STEAP3: variants seen among roughly 807,000 people sequenced by gnomAD.
The protein encoded by STEAP3 is STEAP3 metalloreductase.
In STEAP3, 35 loss-of-function variants were observed where a neutral mutation model predicts 34.9. The observed-to-expected ratio is 1.00, with a 90% CI of 0.76 to 1.33. The LOEUF (loss-of-function observed/expected upper bound fraction) is 1.33. Among genes scored for constraint, STEAP3 ranks in the 40% most tolerant of loss-of-function variants. The pLI is 0.00. For missense variants in STEAP3, 652 were observed against 667.6 expected (o/e 0.98, Z 0.26); for synonymous variants, 281 against 301.6 (o/e 0.93, Z 0.71).
chr2:119,247,946 G>T lies in STEAP3; in HGVS notation c.790G>T (p.Val264Leu), dbSNP rs767495306. ...QNKFFKLPVS[V>L]VNTTLPCVAY... ...CAAGTTCTTCAAGCTGCCCGTGTCCGTGGTCAACACCACACTGCCGTGCGT... is the reference window on the plus strand; with the variant it reads ...CAAGTTCTTCAAGCTGCCCGTGTCCTTGGTCAACACCACACTGCCGTGCGT... Residue 264 changes from valine to leucine, a missense_variant, in exon 4 of 6, where the codon GTG (valine) becomes TTG (leucine). Coordinates refer to ENST00000393110, the MANE Select transcript of STEAP3 (RefSeq NM_182915.3). 6.2e-7 allele frequency: 1 copy of T among 1,613,444 alleles called. No homozygotes were observed. Among genetic ancestry groups the T allele is most frequent in the African/African-American group, 1.3e-5 (1 of 74,934 alleles).
chr2:119,242,422 G>A (rs566722819), intron 2 of STEAP3, among the ~76,000 whole-genome samples: 1 of 152,284 alleles, frequency 6.6e-6, no homozygotes, highest in South Asian at 2.1e-4. Flanking sequence ...GGAGAAGAGG[G>A]ATTTGAATTC....
chr2:119,242,653 G>T (rs1227495363), intron 2 of STEAP3, among the ~76,000 whole-genome samples: 1 of 152,220 alleles, frequency 6.6e-6, no homozygotes, highest in African/African-American at 2.4e-5. Context: ...AATGCCGTTT[G>T]CTGGGTGCTT....
chr2:119,254,222 T>G (rs1231652476), intron 4 of STEAP3, among the ~76,000 whole-genome samples: 1 of 151,916 alleles, frequency 6.6e-6, no homozygotes, highest in Non-Finnish European at 1.5e-5. Flanking sequence ...GGAGAGCTCC[T>G]CTCTCCTGTC....
intron 5 of STEAP3, among the ~76,000 whole-genome samples, chr2:119,262,501 A>C (rs551102384): frequency 5.3e-5 from 8 of 152,196 alleles, no homozygotes; most frequent in Non-Finnish European, 1.0e-4. Context: ...CAGCCTCCCA[A>C]GTAGCTGGGA....
rs11885203 is a variant in STEAP3 at position 119,263,059 on chromosome 2, C to T, written c.1218C>T (p.Ser406=). The change falls in exon 6 of 6, where the codon TCC becomes TCT. Residue 406 remains serine, a splice_region_variant and synonymous_variant. Coordinates refer to ENST00000393110, the MANE Select transcript of STEAP3 (RefSeq NM_182915.3). Reference sequence around the variant, plus strand: ...CCAGCCTTTTTTTCCCTCCACAGTCCTCACTGGGCTTTGTGGCCCTCGTGC... The same window carrying T: ...CCAGCCTTTTTTTCCCTCCACAGTCTTCACTGGGCTTTGTGGCCCTCGTGC... ...LNWREFSFVQ[S]SLGFVALVLS... 1.3e-3 allele frequency: 2,115 copies of T among 1,604,280 alleles called. 30 individuals carry two copies. The African/African-American group carries it at 0.025, about 19-fold the overall frequency.
intron 2 of STEAP3, among the ~76,000 whole-genome samples, chr2:119,231,527 G>T (rs760949561): frequency 1.5e-4 from 23 of 152,278 alleles, no homozygotes; most frequent in Non-Finnish European, 3.4e-4. Flanking sequence ...TTTCTGGAAT[G>T]ATTCGAAAAT....
intron 5 of STEAP3, among the ~76,000 whole-genome samples, chr2:119,258,085 G>T (rs1298207157): frequency 6.6e-6 from 1 of 152,154 alleles, no homozygotes; most frequent in African/African-American, 2.4e-5. Flanking sequence ...GAGTTTTCCA[G>T]GAAAGGGATG....
intron 2 of STEAP3, among the ~76,000 whole-genome samples, chr2:119,241,316 C>A (rs1190538508): frequency 6.6e-6 from 1 of 152,162 alleles, no homozygotes; most frequent in African/African-American, 2.4e-5. Context: ...ACCCACAGCC[C>A]GTGCCTTTAA....
chr2:119,242,596 C>T lies in STEAP3; in HGVS notation c.23-2893C>T, dbSNP rs542939574. Reference sequence around the variant, plus strand: ...CTCCACCTGGGCCCTACTGCTGGCACGGAGCTTCATTTCTGTTGGCAGCCA... The same window carrying T: ...CTCCACCTGGGCCCTACTGCTGGCATGGAGCTTCATTTCTGTTGGCAGCCA... On this transcript the variant is annotated intron_variant, in intron 2 of 5. Coordinates refer to ENST00000393110, the MANE Select transcript of STEAP3 (RefSeq NM_182915.3). Among the ~76,000 whole-genome samples, 24 of 152,266 alleles carry T rather than the reference C, an allele frequency of 1.6e-4. No homozygotes were observed. In the South Asian group the frequency reaches 1.9e-3, roughly 12 times the overall value.
intron 2 of STEAP3, among the ~76,000 whole-genome samples, chr2:119,232,964 T>G (rs1056670178): frequency 2.6e-5 from 4 of 152,204 alleles, no homozygotes; most frequent in Admixed American, 2.6e-4. Flanking sequence ...GGGAAGGCAC[T>G]TCCCAGGCAA....
At chr2:119,231,663 A>C (rs1676940791) in intron 2 of STEAP3, among the ~76,000 whole-genome samples, 1 of 152,112 alleles carries the variant, frequency 6.6e-6, no homozygotes, top group African/African-American at 2.4e-5. Context: ...GATTGGCTCG[A>C]GTGTGCTTGA....
In STEAP3 at chr2:119,247,994, G is replaced by A. The variant is rs770630600; in HGVS notation, c.838G>A (p.Val280Met). 1.1e-5 allele frequency: 18 copies of A among 1,611,960 alleles called. No homozygotes were observed. Among genetic ancestry groups the A allele is most frequent in the East Asian group, 6.7e-5 (3 of 44,882 alleles). The change falls in exon 4 of 6, where the codon GTG becomes ATG. Residue 280 changes from valine to methionine, a missense_variant. By Grantham distance (21) the Val-to-Met change is conservative. Coordinates refer to ENST00000393110, the MANE Select transcript of STEAP3 (RefSeq NM_182915.3). ...CGTGGCCTACGTGCTGCTGTCACTCGTGTACTTGCCCGGCGTGCTGGCGGC... is the reference window on the plus strand; with the variant it reads ...CGTGGCCTACGTGCTGCTGTCACTCATGTACTTGCCCGGCGTGCTGGCGGC... ...PCVAYVLLSL[V>M]YLPGVLAAAL...
chr2:119,248,482 G>A (rs1056146166), intron 4 of STEAP3: 2 of 450,574 alleles, frequency 4.4e-6, no homozygotes, highest in Middle Eastern at 5.7e-4. Flanking sequence ...GGCGTTGAGA[G>A]GATCAGGAGT....
intron 5 of STEAP3, among the ~76,000 whole-genome samples, chr2:119,256,741 T>G (rs1677785262): frequency 6.6e-6 from 1 of 152,160 alleles, no homozygotes; most frequent in East Asian, 1.9e-4. Flanking sequence ...GATGTCAATA[T>G]GGAGGAGGCA....
At chr2:119,248,269 C>T (rs1003170831) in intron 4 of STEAP3, 63 bp downstream of exon 4, 2 of 1,494,286 alleles carry the variant, frequency 1.3e-6, no homozygotes, top group Admixed American at 2.0e-5. Flanking sequence ...GCACCTCCCC[C>T]CCCCACCAAC....
At chr2:119,247,632 T>A in intron 3 of STEAP3, 47 bp from the exon 4 acceptor site, 2 of 1,493,856 alleles carry the variant, frequency 1.3e-6, no homozygotes, top group Non-Finnish European at 1.8e-6. Context: ...CCCTGCCCAC[T>A]CCTGTGGCCT....
chr2:119,233,754 G>A (rs1280222125), intron 2 of STEAP3, among the ~76,000 whole-genome samples: 1 of 152,346 alleles, frequency 6.6e-6, no homozygotes, highest in South Asian at 2.1e-4. Flanking sequence ...CCCAGAGCGT[G>A]AAGTCCTCCC....
chr2:119,246,881 T>C (rs1677444065), intron 3 of STEAP3: 1 of 152,012 alleles, frequency 6.6e-6, no homozygotes, highest in Non-Finnish European at 1.5e-5. Flanking sequence ...GAGGGAACAA[T>C]CTGAAAAGGC....
intron 5 of STEAP3, among the ~76,000 whole-genome samples, chr2:119,255,792 T>C (rs1196795578): frequency 6.6e-6 from 1 of 151,970 alleles, no homozygotes; most frequent in Non-Finnish European, 1.5e-5. Context: ...GAAATGCTGC[T>C]AGTGGCAAAA....
Sources: gnomAD v4.1 joint callset for allele counts (sites outside exome capture counted in the v4.1 genomes callset) on GRCh38, gnomAD v4.1.1 for gene constraint, MANE v1.5 for transcripts, NCBI Gene and HGNC (gene_info 2026-07-23, HGNC 2026-07-21) for gene names.